Variants in TRPV5 observed in about 807,000 individuals in gnomAD.
The protein encoded by TRPV5 is calcium transport protein 2.
TRPV5 carries 66 observed loss-of-function variants against 74.1 expected under a neutral mutation model. The observed-to-expected ratio is 0.89, with a 90% CI of 0.73 to 1.09. TRPV5 has a LOEUF of 1.09. TRPV5 is among the 50% of genes least tolerant of loss of function. The pLI is 0.00. For missense variants in TRPV5, 936 were observed against 930.4 expected (o/e 1.01, Z -0.08); for synonymous variants, 399 against 360.7 (o/e 1.11, Z -1.20).
chr7:142,918,335 C>T (rs1260110869), intron 8 of TRPV5, among the ~76,000 whole-genome samples: 2 of 152,204 alleles, frequency 1.3e-5, no homozygotes, highest in Non-Finnish European at 2.9e-5. Context: ...CACCCATTCT[C>T]CAGCCTTACT....
At chr7:142,922,477 G>A (rs1795901609) in intron 8 of TRPV5, among the ~76,000 whole-genome samples, 1 of 152,162 alleles carries the variant, frequency 6.6e-6, no homozygotes, top group Non-Finnish European at 1.5e-5. Context: ...AACCTTGGCA[G>A]AACATTTGGC....
At chr7:142,921,714 C>T (rs544170645) in intron 8 of TRPV5, among the ~76,000 whole-genome samples, 4 of 152,204 alleles carry the variant, frequency 2.6e-5, no homozygotes, top group South Asian at 2.1e-4. Flanking sequence ...TCTGTACATC[C>T]CCCTGTTTAA....
chr7:142,932,034 T>G (rs1796104589), intron 1 of TRPV5, among the ~76,000 whole-genome samples: 1 of 152,128 alleles, frequency 6.6e-6, no homozygotes, highest in Admixed American at 6.5e-5. Flanking sequence ...AAGCTTTTAA[T>G]CTAAAGGTGG....
chr7:142,929,665 C>A, intron 3 of TRPV5, 100 bp from the exon 4 acceptor site: 1 of 1,528,604 alleles, frequency 6.5e-7, no homozygotes, highest in African/African-American at 1.4e-5. Flanking sequence ...CCTGATAGAT[C>A]TTTGCTAGAC....
chr7:142,925,236 C>T, intron 8 of TRPV5: 1 of 569,784 alleles, frequency 1.8e-6, no homozygotes, highest in South Asian at 2.4e-5. Context: ...CTAAAAAACC[C>T]TGATACTTTT....
intron 7 of TRPV5, among the ~76,000 whole-genome samples, chr7:142,926,206 G>GT (rs542736392): frequency 1.2e-3 from 190 of 152,190 alleles, no homozygotes; most frequent in African/African-American, 4.4e-3. Flanking sequence ...TGCATTTTTT[G>GT]TTTTTTCTAA....
chr7:142,919,261 C>A (rs1017901788), intron 8 of TRPV5, among the ~76,000 whole-genome samples: 1 of 152,230 alleles, frequency 6.6e-6, no homozygotes, highest in Non-Finnish European at 1.5e-5. Flanking sequence ...TTAGAGCTTC[C>A]TGAGGGCAGG....
chr7:142,933,651 T>C lies in TRPV5; in HGVS notation c.-192A>G, dbSNP rs1796140793. ...CATGCAGTATGTGGGTTGTGGGGTG[T>C]GCGTGTATGCACAGTGTGTGGCTGT... On this transcript the variant is annotated 5_prime_UTR_variant, in exon 1 of 15. Transcript: ENST00000265310. 1.5e-6 allele frequency: 1 copy of C among 685,522 alleles called. No homozygotes were observed. The highest frequency in any genetic ancestry group is 1.8e-5 in the African/African-American group (1 of 55,318). 42.5% of individuals were successfully genotyped at this position (685,522 alleles called of 1,614,324 possible).
chr7:142,920,212 T>C (rs140917758), intron 8 of TRPV5, among the ~76,000 whole-genome samples: 407 of 152,340 alleles, frequency 2.7e-3, no homozygotes, highest in African/African-American at 9.3e-3. Flanking sequence ...TAAGTCAAGC[T>C]GCCTTCCAAA....
intron 12 of TRPV5, 59 bp from the exon 13 acceptor site, chr7:142,912,809 G>C: frequency 6.4e-7 from 1 of 1,566,618 alleles, no homozygotes; most frequent in Non-Finnish European, 8.7e-7. Flanking sequence ...CAATAAGCAT[G>C]GACATGGTTA....
rs147104007 is a variant in TRPV5 at position 142,933,612 on chromosome 7, G to GGT, written c.-155_-154dup. ...TTGTGTATGCAGCATGCAGCTTGTA[G>GGT]GTGTGTGTGTGTGCATGCAGTATGT... is the stretch of plus-strand genomic sequence containing the variant. On this transcript the variant is annotated 5_prime_UTR_variant, in exon 1 of 15. An upstream open reading frame in the 5' UTR loses its in-frame stop. Coordinates refer to ENST00000265310, the MANE Select transcript of TRPV5 (RefSeq NM_019841.7). 258 of 1,023,570 alleles carry GGT rather than the reference G, an allele frequency of 2.5e-4. No homozygotes were observed. Among genetic ancestry groups the GGT allele is most frequent in the Admixed American group, 6.1e-4 (25 of 41,266 alleles). The allele number at this position is 1,023,570 out of a possible 1,614,324, so 63.4% of individuals were successfully genotyped here. A position where few individuals can be genotyped will look rare whatever the true frequency, so the allele number is the denominator to read the frequency against.
Position 142,928,838 on chromosome 7 carries a change from G to T in TRPV5, c.615C>A (p.Leu205=), listed in dbSNP as rs4252411. The change falls in exon 6 of 15, where the codon CTC becomes CTA. Residue 205 remains leucine, a synonymous_variant. Coordinates refer to ENST00000265310, the MANE Select transcript of TRPV5 (RefSeq NM_019841.7). ...GGCAGGCAAAGGTTTTGTTGGGCTG[G>T]AGGATGAGGATGTGTAATACTGTGT... ...LGNTVLHILI[L]QPNKTFACQM... 6.2e-7 allele frequency: 1 copy of T among 1,614,026 alleles called. No homozygotes were observed. Among genetic ancestry groups the T allele is most frequent in the African/African-American group, 1.3e-5 (1 of 74,926 alleles).
At chr7:142,931,517 C>T (rs1046375528) in intron 1 of TRPV5, among the ~76,000 whole-genome samples, 2 of 152,134 alleles carry the variant, frequency 1.3e-5, no homozygotes, top group Admixed American at 6.5e-5. Flanking sequence ...CAGATTTGAA[C>T]CCAGAAAGAG....
chr7:142,931,513 T>G (rs1796096153), intron 1 of TRPV5, among the ~76,000 whole-genome samples: 1 of 152,114 alleles, frequency 6.6e-6, no homozygotes, highest in Non-Finnish European at 1.5e-5. Flanking sequence ...TACCCAGATT[T>G]GAACCCAGAA....
intron 7 of TRPV5, among the ~76,000 whole-genome samples, chr7:142,927,577 G>C (rs1323655602): frequency 6.6e-6 from 1 of 152,130 alleles, no homozygotes; most frequent in Non-Finnish European, 1.5e-5. Flanking sequence ...ATCCTACATG[G>C]CCGGAGCAGG....
At chr7:142,915,862 C>A (rs930643762) in intron 8 of TRPV5, among the ~76,000 whole-genome samples, 4 of 152,226 alleles carry the variant, frequency 2.6e-5, no homozygotes, top group African/African-American at 9.6e-5. Context: ...TACTGAGCAG[C>A]TGAGAACACA....
intron 8 of TRPV5, among the ~76,000 whole-genome samples, chr7:142,920,408 T>C (rs116603149): frequency 6.6e-6 from 1 of 151,136 alleles, no homozygotes; most frequent in African/African-American, 2.5e-5. Context: ...GGGGTATGAA[T>C]CAGTATCTGG....
Position 142,924,341 on chromosome 7 carries a change from T to TATATACATATACATGTATATATATAC in TRPV5, c.1122+1187_1122+1188insGTATATATATACATGTATATGTATAT, listed in dbSNP as rs1795941975. Among the ~76,000 whole-genome samples, 31 of 12,788 alleles carry TATATACATATACATGTATATATATAC rather than the reference T, an allele frequency of 2.4e-3. 1 individual carries two copies. The highest frequency in any genetic ancestry group is 0.011 in the East Asian group (2 of 174). 8.4% of individuals were successfully genotyped at this position (12,788 alleles called of 152,430 possible). ...ACATATACATGTATATATATACATA[T>TATATACATATACATGTATATATATAC]ATATATATATAGACATATACATGTA... is the stretch of plus-strand genomic sequence containing the variant. On this transcript the variant is annotated intron_variant, in intron 8 of 14. Transcript: ENST00000265310.
Position 142,930,099 on chromosome 7 carries a change from G to A in TRPV5, c.308C>T (p.Pro103Leu). 1 of 1,614,152 alleles carries A rather than the reference G, an allele frequency of 6.2e-7. No homozygotes were observed. The highest frequency in any genetic ancestry group is 8.5e-7 in the Non-Finnish European group (1 of 1,180,036). ...TGTGGTGGGCTCAAAGACCAGCTCT[G>A]GGGCAGCCTCCATCAGCACCAAGGC... is the stretch of plus-strand genomic sequence containing the variant. ...EAALVLMEAA[P>L]ELVFEPTTCE... Residue 103 changes from proline to leucine, a missense_variant, in exon 3 of 15, where the codon CCA becomes CTA. Pro to Leu is a moderately conservative substitution (Grantham distance 98). Transcript: ENST00000265310.
Sources: allele counts gnomAD v4.1 joint callset (sites outside exome capture counted in the v4.1 genomes callset), GRCh38; gene constraint gnomAD v4.1.1; transcripts MANE v1.5; gene names NCBI Gene and HGNC (gene_info 2026-07-23, HGNC 2026-07-21).